Variants in MARK1 observed in about 807,000 individuals in gnomAD.
MARK1 encodes microtubule affinity regulating kinase 1, also known as serine/threonine-protein kinase MARK1.
MARK1 carries 40 observed loss-of-function variants against 96.3 expected under a neutral mutation model. The observed-to-expected ratio is 0.42, with a 90% CI of 0.32 to 0.54. The LOEUF is 0.54. Ranked by LOEUF, MARK1 falls within the 20% of genes least tolerant of loss-of-function variation. The pLI is 0.16. For missense variants in MARK1, 719 were observed against 984.6 expected (o/e 0.73, Z 3.61); for synonymous variants, 317 against 341.2 (o/e 0.93, Z 0.78).
At chr1:220,571,010 G>A (rs1435986688) in intron 1 of MARK1, among the ~76,000 whole-genome samples, 1 of 152,130 alleles carries the variant, frequency 6.6e-6, no homozygotes, top group African/African-American at 2.4e-5. Context: ...AAATAGGTAT[G>A]TGACTGTCTT....
intron 17 of MARK1, among the ~76,000 whole-genome samples, chr1:220,661,219 A>G (rs1326905750): frequency 2.0e-5 from 3 of 152,138 alleles, no homozygotes; most frequent in Non-Finnish European, 4.4e-5. Flanking sequence ...AGGAGTTGGA[A>G]TGGAAGTCAT....
Position 220,632,230 on chromosome 1 carries a change from G to T in MARK1, c.1039G>T (p.Asp347Tyr). 1 of 1,539,160 alleles carries T rather than the reference G, an allele frequency of 6.5e-7. No individual in the cohort carries two copies. The highest frequency in any genetic ancestry group is 8.8e-7 in the Non-Finnish European group (1 of 1,142,138). ...TATGGTCACCATGGGCTTTGCACGA[G>T]ATGAAATAAATGATGCCTTAATAAA... ...DIMVTMGFAR[D>Y]EINDALINQK... The change falls in exon 11 of 18, where the codon GAT becomes TAT. Residue 347 changes from aspartate to tyrosine, a missense_variant. This residue lies in a region of MARK1 where 501 missense variants were observed against 588.3 expected (regional missense o/e 0.85). Transcript: ENST00000366917.
intron 17 of MARK1, among the ~76,000 whole-genome samples, chr1:220,659,857 C>G (rs1346417215): frequency 6.6e-6 from 1 of 152,130 alleles, no homozygotes. Flanking sequence ...GTGGCACGAT[C>G]TCAGCTCACT....
chr1:220,601,352 G>T (rs1467620194), intron 5 of MARK1, among the ~76,000 whole-genome samples: 3 of 149,998 alleles, frequency 2.0e-5, no homozygotes, highest in Non-Finnish European at 4.4e-5. Context: ...TTCAGTGTAG[G>T]TTCTTTGACT....
intron 1 of MARK1, among the ~76,000 whole-genome samples, chr1:220,560,127 A>C (rs1662562841): frequency 6.6e-6 from 1 of 152,136 alleles, no homozygotes; most frequent in South Asian, 2.1e-4. Context: ...AAGCCATCAG[A>C]TCTCATGAGA....
chr1:220,638,692 A>T (rs1227721907), intron 13 of MARK1, among the ~76,000 whole-genome samples: 2 of 152,186 alleles, frequency 1.3e-5, no homozygotes, highest in Non-Finnish European at 2.9e-5. Flanking sequence ...TTTTTTAAAA[A>T]AAACATAAGC....
At chr1:220,626,519 A>G (rs1667344586) in intron 9 of MARK1, 1 of 518,922 alleles carries the variant, frequency 1.9e-6, no homozygotes, top group Non-Finnish European at 3.9e-6. Context: ...GGTTGCTTCA[A>G]TCTGATCATC....
intron 13 of MARK1, among the ~76,000 whole-genome samples, chr1:220,642,629 A>G (rs1668345138): frequency 6.6e-6 from 1 of 152,194 alleles, no homozygotes; most frequent in South Asian, 2.1e-4. Context: ...GGGCAGCCAG[A>G]CTGCTTCCTT....
intron 6 of MARK1, among the ~76,000 whole-genome samples, chr1:220,613,060 A>G (rs560630659): frequency 3.3e-5 from 5 of 152,380 alleles, no homozygotes; most frequent in African/African-American, 1.2e-4. Context: ...GTCAGTACCC[A>G]GCTGACAGTA....
At chr1:220,529,329 G>A (rs866933393) in intron 1 of MARK1, among the ~76,000 whole-genome samples, 1 of 152,050 alleles carries the variant, frequency 6.6e-6, no homozygotes, top group Middle Eastern at 3.2e-3. Context: ...CCCCCGCATT[G>A]CCCCATGACT....
intron 1 of MARK1, among the ~76,000 whole-genome samples, chr1:220,553,941 G>C (rs907200811): frequency 1.3e-5 from 2 of 152,198 alleles, no homozygotes; most frequent in Non-Finnish European, 2.9e-5. Context: ...GCAGACCTCT[G>C]ATGTTCTGGC....
At chr1:220,626,246 T>C in intron 9 of MARK1, 1 of 530,594 alleles carries the variant, frequency 1.9e-6, no homozygotes, top group Non-Finnish European at 3.7e-6. Context: ...CAGAGGGTGC[T>C]GTATATTGAC....
intron 11 of MARK1, 27 bp from the exon 12 acceptor site, chr1:220,635,349 A>C: frequency 6.5e-7 from 1 of 1,532,878 alleles, no homozygotes; most frequent in Non-Finnish European, 8.7e-7. Flanking sequence ...TTTTGCTTTA[A>C]AATCCCTGTG....
intron 1 of MARK1, among the ~76,000 whole-genome samples, chr1:220,577,355 G>C (rs1025132196): frequency 9.2e-5 from 14 of 152,168 alleles, no homozygotes; most frequent in African/African-American, 3.4e-4. Flanking sequence ...ACTAGTTGTA[G>C]GAAATATCAT....
chr1:220,642,869 G>A (rs1440611537), intron 13 of MARK1, among the ~76,000 whole-genome samples: 1 of 152,174 alleles, frequency 6.6e-6, no homozygotes, highest in Admixed American at 6.5e-5. Flanking sequence ...CTGCGGAAGA[G>A]GGGCCTGAGT....
intron 7 of MARK1, 134 bp downstream of exon 7, chr1:220,616,129 C>G (rs899583876): frequency 1.2e-5 from 5 of 400,870 alleles, no homozygotes; most frequent in Middle Eastern, 6.8e-4. Context: ...GTTTTTGATT[C>G]TCACAGCAAC....
At chr1:220,649,548 C>G (rs991441091) in intron 13 of MARK1, among the ~76,000 whole-genome samples, 3 of 152,118 alleles carry the variant, frequency 2.0e-5, no homozygotes, top group African/African-American at 7.2e-5. Flanking sequence ...CAAGTCTTAC[C>G]TAAACATTTT....
At chr1:220,590,522 T>TA (rs1441946367) in intron 3 of MARK1, among the ~76,000 whole-genome samples, 1 of 152,142 alleles carries the variant, frequency 6.6e-6, no homozygotes, top group Non-Finnish European at 1.5e-5. Flanking sequence ...TAACCTTCAT[T>TA]AGCTCCTTGA....
Position 220,581,118 on chromosome 1 carries a change from G to T in MARK1, c.309G>T (p.Lys103Asn). 8.6e-7 allele frequency: 1 copy of T among 1,160,688 alleles called. No homozygotes were observed. Among genetic ancestry groups the T allele is most frequent in the South Asian group, 2.5e-5 (1 of 39,408 alleles). 71.9% of individuals were successfully genotyped at this position (1,160,688 alleles called of 1,614,324 possible). The change falls in exon 3 of 18, where the codon AAG becomes AAT. Residue 103 changes from lysine to asparagine, a missense_variant and splice_region_variant. By Grantham distance (94) the Lys-to-Asn change is moderately conservative (BLOSUM62 0). This residue lies in a region of MARK1 where 105 missense variants were observed against 133.4 expected (regional missense o/e 0.79). Transcript: ENST00000366917. ...AGCTAAATCCTACCAGTCTACAAAAGGTATTTAATTAATTTAATAAGTAAT... is the reference window on the plus strand; with the variant it reads ...AGCTAAATCCTACCAGTCTACAAAATGTATTTAATTAATTTAATAAGTAAT... ...KTQLNPTSLQKLFREVRIMKI... is the reference protein window; with the variant it reads ...KTQLNPTSLQNLFREVRIMKI...
Sources: allele counts gnomAD v4.1 joint callset (sites outside exome capture counted in the v4.1 genomes callset), GRCh38; gene constraint gnomAD v4.1.1; regional missense constraint gnomAD v4.1.1; transcripts MANE v1.5; gene names NCBI Gene and HGNC (gene_info 2026-07-23, HGNC 2026-07-21).